HIVEP3: variants seen among roughly 807,000 people sequenced by gnomAD.
HIVEP3 encodes the protein HIVEP zinc finger 3.
Under a neutral mutation model 152.8 loss-of-function variants are expected in HIVEP3, and 49 were observed. The observed-to-expected ratio is 0.32, with a 90% CI of 0.26 to 0.41. HIVEP3 has a LOEUF of 0.41. Among genes scored for constraint, HIVEP3 ranks in the 10% least tolerant of loss-of-function variants. The pLI is 1.00. For synonymous variants in HIVEP3, 1,269 were observed against 1,289.0 expected (o/e 0.98, Z 0.33); for missense variants, 2,790 against 3,103.3 (o/e 0.90, Z 2.40).
chr1:41,763,433 C>T (rs1182383701), intron 1 of HIVEP3, among the ~76,000 whole-genome samples: 1 of 152,188 alleles, frequency 6.6e-6, no homozygotes, highest in African/African-American at 2.4e-5. Flanking sequence ...CTCTCTGAGA[C>T]CTGCCTGGCT....
chr1:41,819,582 T>C (rs1642525728), intron 1 of HIVEP3, among the ~76,000 whole-genome samples: 1 of 152,220 alleles, frequency 6.6e-6, no homozygotes, highest in African/African-American at 2.4e-5. Context: ...TTCAAATATA[T>C]AATTTCCGCT....
chr1:41,533,604 C>T lies in HIVEP3; in HGVS notation c.5208-8694G>A, dbSNP rs556550582. ...GCTTGCTCCATTGAAAGTCCATTTG[C>T]CTCATCCTGTCCGCCCTCTTGCTGG... On this transcript the variant is annotated intron_variant, in intron 5 of 8. Transcript: ENST00000372583. This position sits in a 1 kb window ranked among gnomAD's most constrained non-coding sequence, Gnocchi z 4.3. Among the ~76,000 whole-genome samples the T allele has an allele frequency of 6.6e-6, 1 of 152,192 alleles. No individual in the cohort carries two copies. Among genetic ancestry groups the T allele is most frequent in the African/African-American group, 2.4e-5 (1 of 41,510 alleles).
intron 1 of HIVEP3, among the ~76,000 whole-genome samples, chr1:41,978,296 C>A (rs1645272374): frequency 6.6e-6 from 1 of 151,592 alleles, no homozygotes; most frequent in Non-Finnish European, 1.5e-5. Context: ...GTGTCCCCCA[C>A]CCCCCAAATT....
chr1:41,701,904 G>C (rs1646368865), intron 1 of HIVEP3, among the ~76,000 whole-genome samples: 1 of 152,118 alleles, frequency 6.6e-6, no homozygotes, highest in African/African-American at 2.4e-5. Context: ...GAGCATCTCT[G>C]AGATGCCCAG....
At chr1:41,919,933 C>G (rs1644926746), upstream of HIVEP3, among the ~76,000 whole-genome samples, 1 of 152,226 alleles carries the variant, frequency 6.6e-6, no homozygotes, top group Non-Finnish European at 1.5e-5. Flanking sequence ...TCCGCTGGTT[C>G]CCGCCTAAGA....
At chr1:42,006,468 CAAAA>C (rs1360556397) in intron 1 of HIVEP3, among the ~76,000 whole-genome samples, 1 of 148,374 alleles carries the variant, frequency 6.7e-6, no homozygotes, top group African/African-American at 2.5e-5. Flanking sequence ...GAAAGTAAAA[CAAAA>C]ATTACTAAAA....
At position 41,511,210 on chromosome 1, in the gene HIVEP3, G is replaced by T; in HGVS notation, c.6462C>A (p.Ser2154=). The T allele has an allele frequency of 6.2e-7, 1 of 1,613,834 alleles. No homozygotes were observed. Among genetic ancestry groups the T allele is most frequent in the South Asian group, 1.1e-5 (1 of 91,066 alleles). Reference sequence around the variant, plus strand: ...CATGGAGGGCGGAGAAGGGTCGGGAGGAGAGAGGATGAGCAGGGCCGGGTG... The same window carrying T: ...CATGGAGGGCGGAGAAGGGTCGGGATGAGAGAGGATGAGCAGGGCCGGGTG... ...SCSPGPAHPL[S]SRPFSALHDF... is the part of the protein sequence containing the mutation. The change falls in exon 9 of 9, where the codon TCC becomes TCA. Residue 2154 remains serine, a synonymous_variant. Coordinates refer to ENST00000372583, the MANE Select transcript of HIVEP3 (RefSeq NM_024503.5). This position sits in a 1 kb window ranked among gnomAD's most constrained non-coding sequence, Gnocchi z 4.9.
intron 3 of HIVEP3, among the ~76,000 whole-genome samples, chr1:41,600,269 A>G (rs974178349): frequency 2.6e-5 from 4 of 152,216 alleles, no homozygotes; most frequent in East Asian, 1.9e-4. Context: ...GTGTACATCT[A>G]TGTTCATAGC....
At chr1:41,575,277 A>G (rs1252985377) in intron 5 of HIVEP3, among the ~76,000 whole-genome samples, 1 of 152,202 alleles carries the variant, frequency 6.6e-6, no homozygotes, top group East Asian at 1.9e-4. Context: ...ATCTGAGAAA[A>G]TGAGGGGCTG....
At chr1:41,519,700 G>A (rs562295673) in intron 6 of HIVEP3, among the ~76,000 whole-genome samples, 136 of 152,316 alleles carry the variant, frequency 8.9e-4, no homozygotes, top group Admixed American at 2.3e-3. Flanking sequence ...TGAATAGAGC[G>A]ATTGGTGCGT....
intron 1 of HIVEP3, among the ~76,000 whole-genome samples, chr1:41,888,870 A>G (rs1307481124): frequency 7.0e-6 from 1 of 142,808 alleles, no homozygotes; most frequent in African/African-American, 2.6e-5. Flanking sequence ...TCACACACAC[A>G]CCACATACCT....
chr1:41,743,716 G>A (rs1647029783), intron 1 of HIVEP3, among the ~76,000 whole-genome samples: 4 of 152,194 alleles, frequency 2.6e-5, no homozygotes, highest in Admixed American at 2.6e-4. Flanking sequence ...AGAATGTGGG[G>A]GTAGGATCTG....
At chr1:42,022,424 G>T (rs1439946207) in intron 1 of HIVEP3, among the ~76,000 whole-genome samples, 1 of 152,042 alleles carries the variant, frequency 6.6e-6, no homozygotes, top group Non-Finnish European at 1.5e-5. Context: ...CCTCCTGCAT[G>T]ATATATTTCC....
intron 1 of HIVEP3, among the ~76,000 whole-genome samples, chr1:41,720,885 G>A: frequency 6.6e-6 from 1 of 152,230 alleles, no homozygotes; most frequent in East Asian, 1.9e-4. Context: ...AGGAAATCCT[G>A]CAATATGTGA....
At chr1:41,838,673 TC>T (rs1643198614) in intron 1 of HIVEP3, among the ~76,000 whole-genome samples, 1 of 152,154 alleles carries the variant, frequency 6.6e-6, no homozygotes, top group South Asian at 2.1e-4. Context: ...AATCCTACTC[TC>T]TACCTCTCCG....
At position 41,575,568 on chromosome 1, in the gene HIVEP3, G is replaced by A. The variant is rs1189430833; in HGVS notation, c.5183C>T (p.Ala1728Val). The part of the protein sequence containing the change: ...DAPASQRGEP[A>V]RIKIFEGGYK... ...CCCTCCTTCGAAGATTTTGATCCTCGCCGGCTCCCCTCTCTGGGAGGCAGG... is the reference window on the plus strand; with the variant it reads ...CCCTCCTTCGAAGATTTTGATCCTCACCGGCTCCCCTCTCTGGGAGGCAGG... Residue 1728 changes from alanine to valine, a missense_variant, in exon 5 of 9, where the codon GCG becomes GTG. By Grantham distance (64) the Ala-to-Val change is moderately conservative. Coordinates refer to ENST00000372583, the MANE Select transcript of HIVEP3 (RefSeq NM_024503.5). 10 of 1,614,032 alleles carry A rather than the reference G, an allele frequency of 6.2e-6. No individual in the cohort carries two copies. The highest frequency in any genetic ancestry group is 1.3e-5 in the African/African-American group (1 of 75,020).
chr1:41,864,281 G>C (rs1643929210), intron 1 of HIVEP3, among the ~76,000 whole-genome samples: 1 of 152,212 alleles, frequency 6.6e-6, no homozygotes, highest in African/African-American at 2.4e-5. Context: ...AGCAAGCAGA[G>C]AGCTGGAGGG....
chr1:41,624,605 G>A (rs1043398555), intron 3 of HIVEP3, among the ~76,000 whole-genome samples: 1 of 152,180 alleles, frequency 6.6e-6, no homozygotes, highest in African/African-American at 2.4e-5. Flanking sequence ...ATACAAGCAA[G>A]TACACTCTGA....
chr1:41,967,339 T>C (rs1003065037), intron 1 of HIVEP3, among the ~76,000 whole-genome samples: 1 of 152,166 alleles, frequency 6.6e-6, no homozygotes, highest in Admixed American at 6.5e-5. Flanking sequence ...ACTGAAATCA[T>C]AGCAAACAAT....
Sources: gnomAD v4.1 joint callset for allele counts (sites outside exome capture counted in the v4.1 genomes callset) on GRCh38, gnomAD v4.1.1 for gene constraint, Gnocchi (gnomAD v3.1) non-coding constraint, MANE v1.5 for transcripts, NCBI Gene and HGNC (gene_info 2026-07-23, HGNC 2026-07-21) for gene names.